TRIO: variants seen among roughly 807,000 people sequenced by gnomAD.
TRIO encodes the protein triple functional domain protein.
In TRIO, 58 loss-of-function variants were observed where a neutral mutation model predicts 351.9. That is an observed-to-expected ratio of 0.16 (90% confidence interval 0.13 to 0.21). The LOEUF (loss-of-function observed/expected upper bound fraction) is 0.21. TRIO is among the 10% of genes least tolerant of loss of function. The pLI is 1.00. For missense variants in TRIO, 3,201 were observed against 4,027.8 expected, an observed-to-expected ratio of 0.79 and a Z score of 5.56; for synonymous variants, 1,758 against 1,595.7, an observed-to-expected ratio of 1.10 and a Z score of -2.42.
In TRIO at chr5:14,246,661, T is replaced by A. The variant is rs566890859; in HGVS notation, c.158-24164T>A. Among the ~76,000 whole-genome samples the A allele has an allele frequency of 3.9e-5, 6 of 152,342 alleles. No individual in the cohort carries two copies. In the East Asian group the frequency reaches 1.2e-3, roughly 29 times the overall value. ...CTCAGGGAAGGGGCTGTATTTCTTC[T>A]GTTTCCCTCTCCAGTCACCCCTCGC... On this transcript the variant is annotated intron_variant, in intron 1 of 56. Coordinates refer to ENST00000344204, the MANE Select transcript of TRIO (RefSeq NM_007118.4).
At chr5:14,259,104 G>T (rs914377254) in intron 1 of TRIO, among the ~76,000 whole-genome samples, 16 of 152,182 alleles carry the variant, frequency 1.1e-4, no homozygotes, top group African/African-American at 3.6e-4. Flanking sequence ...CCTCTGCCGG[G>T]TCCTGGAGGG....
chr5:14,494,285 T>C (rs1206030340), intron 49 of TRIO, among the ~76,000 whole-genome samples: 1 of 152,200 alleles, frequency 6.6e-6, no homozygotes, highest in African/African-American at 2.4e-5. Context: ...TTCATCCCCC[T>C]GGAATGCCTG....
chr5:14,297,277 A>AC lies in TRIO; in HGVS notation c.1368+19dup. ...AAGGCCGAAAAGGTCAGTGCCTTGAACCCCCAGCCCACGAGGTGGTAACCA... is the reference window on the plus strand; with the variant it reads ...AAGGCCGAAAAGGTCAGTGCCTTGAACCCCCCAGCCCACGAGGTGGTAACCA... On this transcript the variant is annotated intron_variant, in intron 7 of 56. Transcript: ENST00000344204. The AC allele has an allele frequency of 1.2e-6, 2 of 1,609,472 alleles. No individual in the cohort carries two copies. The highest frequency in any genetic ancestry group is 1.7e-6 in the Non-Finnish European group (2 of 1,177,346).
intron 1 of TRIO, among the ~76,000 whole-genome samples, chr5:14,235,560 G>T (rs898374053): frequency 6.6e-6 from 1 of 152,026 alleles, no homozygotes; most frequent in Non-Finnish European, 1.5e-5. Flanking sequence ...AACTGCAAAG[G>T]TCTATATAAA....
At chr5:14,334,212 T>C (rs1210127954) in intron 10 of TRIO, among the ~76,000 whole-genome samples, 1 of 152,134 alleles carries the variant, frequency 6.6e-6, no homozygotes, top group Admixed American at 6.5e-5. Context: ...CTGATGAGTA[T>C]GGTTGATACT....
intron 43 of TRIO, among the ~76,000 whole-genome samples, chr5:14,480,746 C>T (rs766377426): frequency 6.6e-5 from 10 of 152,116 alleles, no homozygotes; most frequent in Admixed American, 1.3e-4. Context: ...TTGAAATCTA[C>T]GTAGGAATGC....
intron 1 of TRIO, among the ~76,000 whole-genome samples, chr5:14,186,757 T>C (rs552967041): frequency 6.6e-6 from 1 of 152,212 alleles, no homozygotes; most frequent in Non-Finnish European, 1.5e-5. Flanking sequence ...TTTGTATTTT[T>C]AGTAGAGATG....
chr5:14,347,592 T>TA (rs1742541244), intron 11 of TRIO, among the ~76,000 whole-genome samples: 1 of 152,352 alleles, frequency 6.6e-6, no homozygotes, highest in Admixed American at 6.5e-5. Context: ...CTATTTTTCT[T>TA]AAAAATGGGC....
rs779931941 is a variant in TRIO at position 14,461,200 on chromosome 5, G to A, written c.5385G>A (p.Lys1795=). 8.6e-5 allele frequency: 135 copies of A among 1,566,520 alleles called. No individual in the cohort carries two copies. The highest frequency in any genetic ancestry group is 1.7e-4 in the Middle Eastern group (1 of 6,014). ...GCAAGGCCGACGGGCACGTGAAGAA[G>A]CTGGCGCACAAGCACAAGAAGAGCC... ...SSGKADGHVK[K]LAHKHKKSRE... is the part of the protein sequence containing the mutation. Residue 1795 remains lysine, a synonymous_variant, in exon 35 of 57, where the codon AAG becomes AAA. Coordinates refer to ENST00000344204, the MANE Select transcript of TRIO (RefSeq NM_007118.4).
chr5:14,462,364 A>G lies in TRIO; in HGVS notation c.5497-391A>G, dbSNP rs951401460. ...GGATTATATTTTTTATGCCCTTATT[A>G]TTTCAGTGAACTTTTCTATAGCAAG... On this transcript the variant is annotated intron_variant, in intron 35 of 56. Coordinates refer to ENST00000344204, the MANE Select transcript of TRIO (RefSeq NM_007118.4). Among the ~76,000 whole-genome samples the G allele has an allele frequency of 4.5e-4, 69 of 152,198 alleles. 1 individual carries two copies. Among genetic ancestry groups the G allele is most frequent in the Admixed American group, 3.3e-4 (5 of 15,280 alleles).
intron 23 of TRIO, 71 bp downstream of exon 23, chr5:14,387,918 C>CT: frequency 6.6e-7 from 1 of 1,505,510 alleles, no homozygotes; most frequent in Admixed American, 1.8e-5. Context: ...GACAGACATG[C>CT]TTCTGTGTGT....
chr5:14,310,753 T>C (rs1434376889), intron 8 of TRIO, among the ~76,000 whole-genome samples: 1 of 152,230 alleles, frequency 6.6e-6, no homozygotes, highest in Non-Finnish European at 1.5e-5. Flanking sequence ...TGGTGCGATT[T>C]AGGCTCACTG....
chr5:14,397,391 C>G (rs1277704105), intron 29 of TRIO: 2 of 424,058 alleles, frequency 4.7e-6, no homozygotes, highest in Non-Finnish European at 8.5e-6. Context: ...ACTCTGGACT[C>G]CAATAGCACT....
Position 14,303,376 on chromosome 5 carries a change from G to A in TRIO, c.1369-1085G>A, listed in dbSNP as rs1273642231. Among the ~76,000 whole-genome samples the A allele has an allele frequency of 1.6e-4, 21 of 134,534 alleles. 1 individual carries two copies. Among genetic ancestry groups the A allele is most frequent in the Middle Eastern group, 5.1e-3 (1 of 198 alleles). The allele number at this position is 134,534 out of a possible 152,430, so 88.3% of individuals were successfully genotyped here. On this transcript the variant is annotated intron_variant, in intron 7 of 56. Coordinates refer to ENST00000344204, the MANE Select transcript of TRIO (RefSeq NM_007118.4). ...GGGTGTCAGTGGAGGAGATTGAGCC[G>A]GGATTGGGATGGCTGCCGCAGGAAT...
intron 13 of TRIO, among the ~76,000 whole-genome samples, chr5:14,360,830 C>G (rs967082419): frequency 1.3e-5 from 2 of 152,226 alleles, no homozygotes; most frequent in African/African-American, 4.8e-5. Flanking sequence ...CTTCTTGGCT[C>G]TGCTCATTCT....
At position 14,369,472 on chromosome 5, in the gene TRIO, C is replaced by G. The variant is rs566882830; in HGVS notation, c.3165C>G (p.His1055Gln). 6.2e-7 allele frequency: 1 copy of G among 1,613,966 alleles called. No homozygotes were observed. Among genetic ancestry groups the G allele is most frequent in the East Asian group, 2.2e-5 (1 of 44,884 alleles). ...TGGGCCCAAACTCTGAGACGGACCA[C>G]GTGACGCCCATGATCAGCAAGCACC... is the stretch of plus-strand genomic sequence containing the variant. ...DKLGPNSETD[H>Q]VTPMISKHLE... is the part of the protein sequence containing the mutation. Residue 1055 changes from histidine to glutamine, a missense_variant, in exon 18 of 57, where the codon CAC (histidine) becomes CAG (glutamine). Transcript: ENST00000344204.
At chr5:14,496,194 C>T (rs1756884245) in intron 49 of TRIO, among the ~76,000 whole-genome samples, 1 of 152,148 alleles carries the variant, frequency 6.6e-6, no homozygotes, top group African/African-American at 2.4e-5. Flanking sequence ...ATAGTATAAA[C>T]TTAACTTTTA....
chr5:14,227,576 A>G (rs1420955425), intron 1 of TRIO, among the ~76,000 whole-genome samples: 3 of 152,344 alleles, frequency 2.0e-5, no homozygotes, highest in East Asian at 3.9e-4. Flanking sequence ...GATTTGTAGG[A>G]CATGGCAAAT....
chr5:14,480,005 A>T lies in TRIO; in HGVS notation c.6330A>T (p.Leu2110Phe). Residue 2110 changes from leucine (L) to phenylalanine (F), a missense_variant, in exon 43 of 57, where the codon TTA (leucine) becomes TTT (phenylalanine). Leu to Phe is a conservative substitution (Grantham distance 22). This residue lies in a region of TRIO where 307 missense variants were observed against 396.5 expected (regional missense o/e 0.77). Coordinates refer to ENST00000344204, the MANE Select transcript of TRIO (RefSeq NM_007118.4). ...PVQRIMKYQL[L>F]LKDFLKYSKK... ...AGAGAATCATGAAGTATCAGCTGTT[A>T]CTGAAGGTGAGGAGGTGGCGGGACA... The T allele has an allele frequency of 6.2e-7, 1 of 1,614,094 alleles. No homozygotes were observed. Among genetic ancestry groups the T allele is most frequent in the Non-Finnish European group, 8.5e-7 (1 of 1,179,950 alleles).
Sources: gnomAD v4.1 joint callset for allele counts (sites outside exome capture counted in the v4.1 genomes callset) on GRCh38, gnomAD v4.1.1 for gene constraint, gnomAD v4.1.1 regional missense constraint, MANE v1.5 for transcripts, NCBI Gene and HGNC (gene_info 2026-07-23, HGNC 2026-07-21) for gene names.